The following TASP1 variants were observed in gnomAD, a reference collection of about 807,000 sequenced individuals.
TASP1 encodes threonine aspartase 1.
TASP1 carries 16 observed loss-of-function variants against 56.6 expected under a neutral mutation model. The ratio of observed to expected loss-of-function variants is 0.28; its 90% confidence interval spans 0.19 to 0.43. The LOEUF (loss-of-function observed/expected upper bound fraction) is 0.43, where lower values mean the gene tolerates loss of function less well. Among genes scored for constraint, TASP1 ranks in the 20% least tolerant of loss-of-function variants. The pLI is 1.00. For synonymous variants in TASP1, 179 were observed against 184.2 expected (o/e 0.97, Z 0.23); for missense variants, 393 against 511.6 (o/e 0.77, Z 2.24).
At chr20:13,404,915 G>A (rs2041863032) in intron 13 of TASP1, among the ~76,000 whole-genome samples, 2 of 151,896 alleles carry the variant, frequency 1.3e-5, no homozygotes, top group Admixed American at 1.3e-4. Context: ...AATCCTTTGT[G>A]TTATTGCCCT....
chr20:13,435,021 C>A (rs1001395331), intron 12 of TASP1, 23 bp downstream of exon 12: 4 of 1,501,964 alleles, frequency 2.7e-6, no homozygotes, highest in Non-Finnish European at 3.6e-6. Flanking sequence ...GAAAGACACA[C>A]ACAATGTATA....
chr20:13,588,305 G>A (rs2047391663), intron 4 of TASP1, among the ~76,000 whole-genome samples: 3 of 110,810 alleles, frequency 2.7e-5, no homozygotes, highest in African/African-American at 9.7e-5. Flanking sequence ...AAGGAAGGAA[G>A]GAAGAGAAAG....
the TASP1 span, among the ~76,000 whole-genome samples, chr20:13,215,494 A>G: frequency 5.9e-5 from 9 of 152,228 alleles, no homozygotes; most frequent in African/African-American, 2.2e-4. Context: ...GATAGGAACT[A>G]TAAGGGTTGG....
chr20:13,549,436 GTGTA>G (rs2045907952), intron 8 of TASP1, among the ~76,000 whole-genome samples: 1 of 151,682 alleles, frequency 6.6e-6, no homozygotes, highest in South Asian at 2.1e-4. Flanking sequence ...GTGTGTGTGT[GTGTA>G]TGTGTGTGTG....
chr20:13,353,575 G>T, the TASP1 span, among the ~76,000 whole-genome samples: 1 of 152,192 alleles, frequency 6.6e-6, no homozygotes, highest in African/African-American at 2.4e-5. Flanking sequence ...ACATTCATCA[G>T]CTTGGTAACA....
chr20:13,304,469 C>T, the TASP1 span, among the ~76,000 whole-genome samples: 2 of 152,180 alleles, frequency 1.3e-5, no homozygotes, highest in South Asian at 4.1e-4. Context: ...GTCCAAACTA[C>T]CCATTGTCCA....
intron 11 of TASP1, among the ~76,000 whole-genome samples, chr20:13,472,099 G>A (rs2044525532): frequency 6.8e-6 from 1 of 147,118 alleles, no homozygotes; most frequent in Non-Finnish European, 1.5e-5. Flanking sequence ...CTATACTACA[G>A]TAACCAAAAC....
intron 11 of TASP1, among the ~76,000 whole-genome samples, chr20:13,436,349 TAA>T (rs376918473): frequency 7.8e-5 from 11 of 141,758 alleles, no homozygotes; most frequent in Admixed American, 1.4e-4. Context: ...AGGGTTGTTT[TAA>T]AAAAAAAAAA....
At chr20:13,218,448 G>T in the TASP1 span, among the ~76,000 whole-genome samples, 1 of 152,122 alleles carries the variant, frequency 6.6e-6, no homozygotes, top group African/African-American at 2.4e-5. Flanking sequence ...TGGAGGTGGG[G>T]AGTGGGGCGA....
the TASP1 span, among the ~76,000 whole-genome samples, chr20:13,355,829 T>G: frequency 6.6e-6 from 1 of 152,210 alleles, no homozygotes; most frequent in East Asian, 1.9e-4. Flanking sequence ...TGTGTAATTC[T>G]TTCTGCTCTC....
chr20:13,558,091 C>T (rs1203103309), intron 8 of TASP1, among the ~76,000 whole-genome samples: 4 of 152,006 alleles, frequency 2.6e-5, no homozygotes, highest in African/African-American at 9.7e-5. Flanking sequence ...AAATATCTAT[C>T]ACTACAAAAG....
At chr20:13,415,461 T>TC (rs398035385) in intron 13 of TASP1, among the ~76,000 whole-genome samples, 36 of 150,268 alleles carry the variant, frequency 2.4e-4, no homozygotes, top group African/African-American at 6.6e-4. Flanking sequence ...TTTTTTTTTT[T>TC]CCTTGAAAGT....
chr20:13,512,085 T>G (rs1352777175), intron 10 of TASP1, among the ~76,000 whole-genome samples: 1 of 152,192 alleles, frequency 6.6e-6, no homozygotes, highest in East Asian at 1.9e-4. Flanking sequence ...TGTGTCTTTA[T>G]AGCAGCATGT....
chr20:13,118,448 G>GAAAAAAAAAAAAAAAAAAAAAA, the TASP1 span, among the ~76,000 whole-genome samples: 1 of 108,720 alleles, frequency 9.2e-6, no homozygotes, highest in Non-Finnish European at 1.8e-5. Flanking sequence ...AGAGGTTTGT[G>GAAAAAAAAAAAAAAAAAAAAAA]GAAAAAAAAA....
the TASP1 span, among the ~76,000 whole-genome samples, chr20:13,315,219 A>G: frequency 6.6e-6 from 1 of 152,080 alleles, no homozygotes; most frequent in Non-Finnish European, 1.5e-5. Flanking sequence ...TTGAACATCA[A>G]TGACCTAAAT....
intron 11 of TASP1, among the ~76,000 whole-genome samples, chr20:13,437,795 C>G (rs1165591350): frequency 6.6e-6 from 1 of 152,188 alleles, no homozygotes; most frequent in Non-Finnish European, 1.5e-5. Context: ...AGGAATACAA[C>G]TTACAAGGGA....
chr20:13,618,743 T>C (rs781449119), intron 4 of TASP1, among the ~76,000 whole-genome samples: 2 of 152,178 alleles, frequency 1.3e-5, no homozygotes, highest in Middle Eastern at 3.2e-3. Context: ...CTTTAAAGCA[T>C]GAATCAAGTG....
the TASP1 span, among the ~76,000 whole-genome samples, chr20:13,246,187 C>T: frequency 7.9e-4 from 120 of 151,670 alleles, 1 homozygote; most frequent in East Asian, 0.022. Flanking sequence ...GCAGCAGAAT[C>T]ACTTGAACCC....
chr20:13,513,549 A>C (rs139838702), intron 10 of TASP1, among the ~76,000 whole-genome samples: 42 of 152,238 alleles, frequency 2.8e-4, no homozygotes, highest in African/African-American at 9.6e-4. Context: ...ACAAGAGCAA[A>C]AAGAGAAACA....
Sources: allele counts gnomAD v4.1 joint callset (sites outside exome capture counted in the v4.1 genomes callset), GRCh38; gene constraint gnomAD v4.1.1; transcripts MANE v1.5; gene names NCBI Gene and HGNC (gene_info 2026-07-23, HGNC 2026-07-21).